EDA: variants seen among roughly 807,000 people sequenced by gnomAD.
The protein encoded by EDA is ectodysplasin A.
A neutral mutation model predicts 23.6 loss-of-function variants in EDA; 2 were observed. The ratio of observed to expected loss-of-function variants is 0.08; its 90% CI spans 0.03 to 0.27. The LOEUF (loss-of-function observed/expected upper bound fraction) is 0.27, where lower values mean the gene tolerates loss of function less well. EDA is among the 10% of genes least tolerant of loss of function. The pLI is 1.00. For synonymous variants in EDA, 131 were observed against 132.0 expected (o/e 0.99, Z 0.05); for missense variants, 229 against 324.2 (o/e 0.71, Z 2.26).
chrX:69,866,371 G>A (rs1464377579), intron 1 of EDA, among the ~76,000 whole-genome samples: 1 of 111,470 alleles, frequency 9.0e-6, no homozygotes, highest in Admixed American at 9.6e-5. Context: ...TTACCCTGTT[G>A]ACTTAAGATT....
rs1476395287 is a variant in EDA, at chrX:69,616,338, A to T, written c.30A>T (p.Glu10Asp). The change falls in exon 1 of 8, where the codon GAA becomes GAT. Residue 10 changes from glutamate to aspartate, a missense_variant. Around this residue, in one of 2 missense-constraint regions of EDA, gnomAD observed 54 missense variants for 42.4 expected, o/e 1.27. Transcript: ENST00000374552. ...GCTACCCGGAGGTGGAGCGCAGGGA[A>T]CTCCTGCCTGCAGCAGCGCCGCGGG... MGYPEVERR[E>D]LLPAAAPRER... 5.8e-6 allele frequency: 7 copies of T among 1,201,323 alleles called. No homozygotes were observed. Among genetic ancestry groups the T allele is most frequent in the Non-Finnish European group, 5.6e-6 (5 of 893,565 alleles).
At chrX:69,987,274 TAAA>T (rs796678528) in intron 2 of EDA, among the ~76,000 whole-genome samples, 19 of 67,065 alleles carry the variant, frequency 2.8e-4, no homozygotes, top group African/African-American at 9.8e-4. Context: ...TAAAGTATAA[TAAA>T]AAAAAAAAAA....
At chrX:70,015,343 C>T (rs751913741) in intron 2 of EDA, among the ~76,000 whole-genome samples, 2 of 111,779 alleles carry the variant, frequency 1.8e-5, no homozygotes, top group Admixed American at 1.9e-4. Flanking sequence ...GAGGCCAACG[C>T]GGGTGGATCA....
intron 1 of EDA, among the ~76,000 whole-genome samples, chrX:69,873,660 C>A (rs1342824253): frequency 9.0e-6 from 1 of 111,636 alleles, no homozygotes; most frequent in Non-Finnish European, 1.9e-5. Flanking sequence ...TGGATAAATT[C>A]TAAGAGAGAA....
chrX:69,680,946 G>T (rs1934319747), intron 1 of EDA, among the ~76,000 whole-genome samples: 1 of 107,414 alleles, frequency 9.3e-6, no homozygotes, highest in Non-Finnish European at 1.9e-5. Context: ...GCATGATTTT[G>T]CAGCGGCTGG....
chrX:69,671,344 G>A (rs920767228), intron 1 of EDA, among the ~76,000 whole-genome samples: 7 of 111,095 alleles, frequency 6.3e-5, no homozygotes, highest in African/African-American at 2.3e-4. Flanking sequence ...TATCTGTGTT[G>A]GTGTCAGATC....
At chrX:69,788,211 T>C (rs1432823156) in intron 1 of EDA, among the ~76,000 whole-genome samples, 5 of 111,874 alleles carry the variant, frequency 4.5e-5, no homozygotes, top group African/African-American at 1.6e-4. Flanking sequence ...TTTTCAAAGT[T>C]TTCAACTTCT....
chrX:69,834,532 C>CT (rs56353023), intron 1 of EDA, among the ~76,000 whole-genome samples: 1,041 of 86,124 alleles, frequency 0.012, 10 homozygotes, highest in Non-Finnish European at 0.019. Context: ...GCAACCCCTG[C>CT]TTTTTTTTTT....
In EDA at chrX:69,876,321, A is replaced by G. The variant is rs757624241; in HGVS notation, c.397-80706A>G. Among the ~76,000 whole-genome samples the G allele has an allele frequency of 4.5e-5, 5 of 110,859 alleles. No individual in the cohort carries two copies. The East Asian group carries it at 1.1e-3, about 25-fold the overall frequency. ...TATAAAGGATTACACATTGAGTACA[A>G]TGTACACTGCTCAGGTGATGAGTGC... On this transcript the variant is annotated intron_variant, in intron 1 of 7. Transcript: ENST00000374552.
At chrX:69,789,951 A>G (rs1449635454) in intron 1 of EDA, among the ~76,000 whole-genome samples, 1 of 112,107 alleles carries the variant, frequency 8.9e-6, no homozygotes, top group Non-Finnish European at 1.9e-5. Flanking sequence ...GCATGAACTT[A>G]GATTTCTGAT....
intron 1 of EDA, among the ~76,000 whole-genome samples, chrX:69,826,960 G>T (rs1452600067): frequency 8.9e-6 from 1 of 112,076 alleles, no homozygotes; most frequent in Non-Finnish European, 1.9e-5. Flanking sequence ...CACTTATGAA[G>T]CTTAGTTTGG....
intron 1 of EDA, among the ~76,000 whole-genome samples, chrX:69,915,729 C>CTT: frequency 9.0e-6 from 1 of 111,482 alleles, no homozygotes; most frequent in South Asian, 3.8e-4. Flanking sequence ...CTTCCTAGGG[C>CTT]TTTTATGGTC....
intron 1 of EDA, among the ~76,000 whole-genome samples, chrX:69,929,759 A>G (rs1437073439): frequency 2.0e-5 from 2 of 100,373 alleles, no homozygotes; most frequent in Admixed American, 1.2e-4. Flanking sequence ...TGTGTGATGT[A>G]TAATGCAAAA....
At chrX:69,768,438 T>C (rs1428249626) in intron 1 of EDA, among the ~76,000 whole-genome samples, 1 of 111,579 alleles carries the variant, frequency 9.0e-6, no homozygotes, top group Non-Finnish European at 1.9e-5. Flanking sequence ...TGTTTCAGCA[T>C]GGTTTGTTGA....
chrX:69,639,145 A>G (rs1932811840), intron 1 of EDA, among the ~76,000 whole-genome samples: 1 of 111,489 alleles, frequency 9.0e-6, no homozygotes, highest in Non-Finnish European at 1.9e-5. Context: ...TATATACCAC[A>G]TTTTGTTTAT....
At chrX:69,619,771 G>A (rs1015381180) in intron 1 of EDA, among the ~76,000 whole-genome samples, 2 of 112,094 alleles carry the variant, frequency 1.8e-5, no homozygotes, top group African/African-American at 6.5e-5. Context: ...AAAAATCACT[G>A]TTGATCATTC....
chrX:69,878,325 T>A (rs2017680462), intron 1 of EDA, among the ~76,000 whole-genome samples: 2 of 112,432 alleles, frequency 1.8e-5, no homozygotes, highest in Admixed American at 1.9e-4. Context: ...CAAAGGCACT[T>A]TGCTTGTGTG....
At chrX:69,721,418 A>G (rs2012575105) in intron 1 of EDA, among the ~76,000 whole-genome samples, 1 of 111,840 alleles carries the variant, frequency 8.9e-6, no homozygotes, top group Non-Finnish European at 1.9e-5. Context: ...AGGGATAAAG[A>G]GGCTTCTCAG....
At chrX:69,764,846 G>A (rs987364016) in intron 1 of EDA, among the ~76,000 whole-genome samples, 5 of 111,045 alleles carry the variant, frequency 4.5e-5, no homozygotes, top group African/African-American at 1.6e-4. Context: ...CTGACACCTT[G>A]TCATCTAGGG....
Sources: gnomAD v4.1 joint callset for allele counts (sites outside exome capture counted in the v4.1 genomes callset) on GRCh38, gnomAD v4.1.1 for gene constraint, gnomAD v4.1.1 regional missense constraint, MANE v1.5 for transcripts, NCBI Gene and HGNC (gene_info 2026-07-23, HGNC 2026-07-21) for gene names.